The following LRBA variants were observed in gnomAD, a reference collection of about 807,000 sequenced individuals.
LRBA encodes the protein LPS responsive beige-like anchor protein.
Under a neutral mutation model 330.0 loss-of-function variants are expected in LRBA, and 176 were observed. The observed-to-expected ratio is 0.53, with a 90% CI of 0.47 to 0.60. The LOEUF is 0.60. LRBA is among the 20% of genes least tolerant of loss of function. LRBA has a pLI of 0.00. For synonymous variants in LRBA, 1,230 were observed against 1,193.0 expected, an observed-to-expected ratio of 1.03 and a Z score of -0.64; for missense variants, 3,259 against 3,444.8, an observed-to-expected ratio of 0.95 and a Z score of 1.35.
At chr4:150,964,691 G>A (rs933130941) in intron 2 of LRBA, among the ~76,000 whole-genome samples, 1 of 151,836 alleles carries the variant, frequency 6.6e-6, no homozygotes, top group African/African-American at 2.4e-5. Context: ...ACTGCAGAAG[G>A]CGGCAGGGCC....
chr4:150,389,240 C>T (rs1743527189), intron 47 of LRBA, among the ~76,000 whole-genome samples: 1 of 151,818 alleles, frequency 6.6e-6, no homozygotes, highest in Non-Finnish European at 1.5e-5. Flanking sequence ...GCCTGTAGTC[C>T]CAGCTCAGGA....
At chr4:150,427,832 T>G (rs1005088861) in intron 46 of LRBA, among the ~76,000 whole-genome samples, 1 of 152,046 alleles carries the variant, frequency 6.6e-6, no homozygotes, top group African/African-American at 2.4e-5. Context: ...TATGTTCTAT[T>G]AACTGTAGCT....
At chr4:150,935,608 T>C (rs1735010249) in intron 2 of LRBA, among the ~76,000 whole-genome samples, 1 of 151,998 alleles carries the variant, frequency 6.6e-6, no homozygotes, top group African/African-American at 2.4e-5. Context: ...CTGAAACTTA[T>C]AGTGATTCTA....
chr4:150,265,835 G>A (rs1745235832), intron 56 of LRBA, 23 bp from the exon 57 acceptor site: 1 of 1,467,620 alleles, frequency 6.8e-7, no homozygotes, highest in Non-Finnish European at 9.6e-7. Context: ...CAGAGAGAAG[G>A]ACTTTTACAA....
intron 55 of LRBA, among the ~76,000 whole-genome samples, chr4:150,282,227 G>A (rs1212898435): frequency 3.9e-5 from 6 of 152,200 alleles, no homozygotes; most frequent in Admixed American, 1.3e-4. Flanking sequence ...TTGAAGGACC[G>A]TCCTCAGCTG....
intron 34 of LRBA, 117 bp downstream of exon 34, chr4:150,797,964 A>G (rs1196380343): frequency 3.2e-6 from 2 of 633,606 alleles, no homozygotes; most frequent in Middle Eastern, 3.1e-4. Context: ...ATTTTAAAAC[A>G]GCAAACTCAC....
intron 37 of LRBA, among the ~76,000 whole-genome samples, chr4:150,658,481 T>G (rs186325226): frequency 4.2e-4 from 56 of 134,886 alleles, no homozygotes; most frequent in Middle Eastern, 7.4e-3. Flanking sequence ...GCTCAAAACT[T>G]GAAAAACCTA....
intron 28 of LRBA, among the ~76,000 whole-genome samples, chr4:150,832,647 C>A (rs1470864977): frequency 6.6e-6 from 1 of 152,224 alleles, no homozygotes; most frequent in African/African-American, 2.4e-5. Context: ...ATGAGGATAA[C>A]TGGTTATTTT....
At position 150,460,123 on chromosome 4, in the gene LRBA, C is replaced by G. The variant is rs1754581929; in HGVS notation, c.6780+7550G>C. Among the ~76,000 whole-genome samples, 3 of 151,558 alleles carry G rather than the reference C, an allele frequency of 2.0e-5. No individual in the cohort carries two copies. The South Asian group carries it at 6.2e-4, about 32-fold the overall frequency. On this transcript the variant is annotated intron_variant, in intron 44 of 56. Coordinates refer to ENST00000651943, the MANE Select transcript of LRBA (RefSeq NM_001364905.1). ...CCCAGTGTATCTGTTACAGAGCAGACTAAAAGGACTGGCATTCATCAGAAA... is the reference window on the plus strand; with the variant it reads ...CCCAGTGTATCTGTTACAGAGCAGAGTAAAAGGACTGGCATTCATCAGAAA...
intron 48 of LRBA, among the ~76,000 whole-genome samples, chr4:150,336,657 A>G (rs1184500969): frequency 1.3e-5 from 2 of 152,172 alleles, no homozygotes; most frequent in East Asian, 3.8e-4. Flanking sequence ...GTAAAATATG[A>G]TGTAATTATA....
chr4:150,618,871 T>TAC (rs1776034157), intron 37 of LRBA, among the ~76,000 whole-genome samples: 1 of 130,822 alleles, frequency 7.6e-6, no homozygotes, highest in Non-Finnish European at 1.7e-5. Flanking sequence ...TATATATATA[T>TAC]ACACACATAC....
chr4:150,579,306 A>G (rs956214725), intron 40 of LRBA: 13 of 455,376 alleles, frequency 2.9e-5, no homozygotes, highest in Non-Finnish European at 4.8e-5. Context: ...AGAGGAAGAG[A>G]GGACCGCAAA....
intron 47 of LRBA, among the ~76,000 whole-genome samples, chr4:150,384,032 T>A (rs191300736): frequency 3.4e-3 from 518 of 151,834 alleles, no homozygotes; most frequent in African/African-American, 5.8e-3. Context: ...TATTTTTATT[T>A]TTTATTTATT....
chr4:150,422,615 C>T (rs1029357392), intron 46 of LRBA: 2 of 584,592 alleles, frequency 3.4e-6, no homozygotes, highest in Non-Finnish European at 6.2e-6. Flanking sequence ...CCCCAAGGGA[C>T]AAGGTTCCAT....
At chr4:150,499,225 T>C (rs989566732) in intron 40 of LRBA, among the ~76,000 whole-genome samples, 1 of 152,224 alleles carries the variant, frequency 6.6e-6, no homozygotes, top group East Asian at 1.9e-4. Context: ...ATGTACGGTA[T>C]AGAAAAAAAT....
chr4:150,835,812 G>A (rs551565739), intron 28 of LRBA, among the ~76,000 whole-genome samples: 1 of 152,076 alleles, frequency 6.6e-6, no homozygotes, highest in Non-Finnish European at 1.5e-5. Flanking sequence ...CTGACGGATT[G>A]CCCTGGCCAG....
intron 29 of LRBA, among the ~76,000 whole-genome samples, chr4:150,828,904 T>C (rs1746684962): frequency 1.3e-5 from 2 of 148,880 alleles, no homozygotes; most frequent in Admixed American, 1.4e-4. Flanking sequence ...TAAGAAAAAG[T>C]CTATAATCTT....
intron 48 of LRBA, among the ~76,000 whole-genome samples, chr4:150,326,372 C>A (rs1173189859): frequency 1.3e-5 from 2 of 152,096 alleles, no homozygotes; most frequent in Admixed American, 1.3e-4. Context: ...ATTAATTTTG[C>A]CATAGGAAGA....
chr4:150,766,260 G>A (rs578104162), intron 34 of LRBA, among the ~76,000 whole-genome samples: 1 of 151,748 alleles, frequency 6.6e-6, no homozygotes, highest in African/African-American at 2.4e-5. Flanking sequence ...ACAAATCTCA[G>A]GAATATCCTT....
Sources: allele counts gnomAD v4.1 joint callset (sites outside exome capture counted in the v4.1 genomes callset), GRCh38; gene constraint gnomAD v4.1.1; transcripts MANE v1.5; gene names NCBI Gene and HGNC (gene_info 2026-07-23, HGNC 2026-07-21).